DOCK2: variants seen among roughly 807,000 people sequenced by gnomAD.
DOCK2 encodes the protein dedicator of cytokinesis 2.
DOCK2 carries 87 observed loss-of-function variants against 248.9 expected under a neutral mutation model. The ratio of observed to expected loss-of-function variants is 0.35; its 90% confidence interval spans 0.29 to 0.42. DOCK2 has a LOEUF of 0.42. Among genes scored for constraint, DOCK2 ranks in the 10% least tolerant of loss-of-function variants. The pLI is 1.00. For missense variants in DOCK2, 1,747 were observed against 2,300.2 expected (o/e 0.76, Z 4.92); for synonymous variants, 805 against 821.6 (o/e 0.98, Z 0.35).
At chr5:169,916,511 C>T (rs1774883108) in intron 27 of DOCK2, among the ~76,000 whole-genome samples, 12 of 152,182 alleles carry the variant, frequency 7.9e-5, no homozygotes, top group Admixed American at 7.9e-4. Flanking sequence ...AACCATGGCT[C>T]TGCCACTGAC....
At chr5:170,075,696 A>C in intron 46 of DOCK2, 3 of 422,416 alleles carry the variant, frequency 7.1e-6, no homozygotes, top group Non-Finnish European at 1.3e-5. Flanking sequence ...TTCATGGGGA[A>C]GAGGGGAGTC....
In DOCK2 at chr5:169,724,595, C is replaced by T. The variant is rs73318237; in HGVS notation, c.2267+5804C>T. Reference sequence around the variant, plus strand: ...CTGGCCTGCACTGGAGCTGCCACCACATTAACAAGGGCATCTCAGGAGCAT... The same window carrying T: ...CTGGCCTGCACTGGAGCTGCCACCATATTAACAAGGGCATCTCAGGAGCAT... On this transcript the variant is annotated intron_variant, in intron 22 of 51. Transcript: ENST00000520908. 5.5e-3 allele frequency among the ~76,000 whole-genome samples: 834 copies of T among 152,172 alleles called. 8 individuals carry two copies. The highest frequency in any genetic ancestry group is 0.019 in the African/African-American group (788 of 41,504).
At chr5:169,723,580 T>A (rs1762315308) in intron 22 of DOCK2, among the ~76,000 whole-genome samples, 1 of 152,190 alleles carries the variant, frequency 6.6e-6, no homozygotes, top group Non-Finnish European at 1.5e-5. Context: ...CTGCTACTCC[T>A]CACTCACTTT....
intron 26 of DOCK2, among the ~76,000 whole-genome samples, chr5:169,835,209 G>A (rs965513916): frequency 6.6e-6 from 1 of 151,164 alleles, no homozygotes; most frequent in Non-Finnish European, 1.5e-5. Context: ...GGAGAAATGG[G>A]AAGGATGCAT....
chr5:169,997,910 GA>G (rs1242575409), intron 30 of DOCK2: 1 of 456,222 alleles, frequency 2.2e-6, no homozygotes, highest in African/African-American at 2.0e-5. Context: ...GCAAGGCCTG[GA>G]CTGTATCCGT....
Position 169,942,472 on chromosome 5 carries a change from G to C in DOCK2, c.2800-40596G>C, listed in dbSNP as rs187033054. Among the ~76,000 whole-genome samples, 4 of 152,284 alleles carry C rather than the reference G, an allele frequency of 2.6e-5. No individual in the cohort carries two copies. In the East Asian group the frequency reaches 7.7e-4, roughly 29 times the overall value. On this transcript the variant is annotated intron_variant, in intron 27 of 51. Transcript: ENST00000520908. ...CATGAGCCACACAGATGTTCAAGTG[G>C]GTTGTCTTGAGGTATTGGGAAATTA...
chr5:169,724,953 G>A (rs1762397808), intron 22 of DOCK2, among the ~76,000 whole-genome samples: 2 of 152,084 alleles, frequency 1.3e-5, no homozygotes, highest in Admixed American at 1.3e-4. Flanking sequence ...CAGTCGGAGG[G>A]AGCACATAAG....
At chr5:170,056,970 T>C in intron 43 of DOCK2, 1 of 568,548 alleles carries the variant, frequency 1.8e-6, no homozygotes, top group African/African-American at 1.9e-5. Context: ...TTCCCCTTAA[T>C]ACAGAACCCA....
intron 46 of DOCK2, among the ~76,000 whole-genome samples, chr5:170,074,143 T>A (rs1007215283): frequency 5.9e-5 from 9 of 151,554 alleles, no homozygotes; most frequent in Non-Finnish European, 1.0e-4. Context: ...GCTTCCTTTT[T>A]TATATAAAAT....
chr5:170,056,295 T>G, intron 42 of DOCK2: 1 of 166,254 alleles, frequency 6.0e-6, no homozygotes, highest in Non-Finnish European at 1.3e-5. Flanking sequence ...GGAGACTGAT[T>G]TAGGGGGTTG....
chr5:169,998,144 C>T, intron 30 of DOCK2: 1 of 430,906 alleles, frequency 2.3e-6, no homozygotes, highest in Non-Finnish European at 4.6e-6. Context: ...ATGTGGCTTC[C>T]TGGAGTCTCT....
chr5:170,025,926 G>A (rs1009098710), intron 33 of DOCK2, among the ~76,000 whole-genome samples: 13 of 149,100 alleles, frequency 8.7e-5, no homozygotes, highest in Admixed American at 3.4e-4. Flanking sequence ...TTTTCTCCAC[G>A]TTCCCACCTC....
intron 27 of DOCK2, chr5:169,883,059 C>A (rs1561792793): frequency 3.2e-6 from 5 of 1,551,536 alleles, no homozygotes; most frequent in Non-Finnish European, 4.4e-6. Context: ...TGTCTTTGGG[C>A]AAAAGCAATT....
intron 26 of DOCK2, among the ~76,000 whole-genome samples, chr5:169,804,039 C>T (rs1767155764): frequency 6.6e-6 from 1 of 152,192 alleles, no homozygotes; most frequent in Non-Finnish European, 1.5e-5. Context: ...ACAACCAATA[C>T]ATTTTTTTCT....
At chr5:169,871,701 G>A (rs1771985706) in intron 27 of DOCK2, among the ~76,000 whole-genome samples, 1 of 152,196 alleles carries the variant, frequency 6.6e-6, no homozygotes, top group Non-Finnish European at 1.5e-5. Flanking sequence ...AATATGTAGG[G>A]TGGTGGGGGT....
chr5:169,904,353 T>C (rs1251020946), intron 27 of DOCK2, among the ~76,000 whole-genome samples: 1 of 152,160 alleles, frequency 6.6e-6, no homozygotes, highest in Non-Finnish European at 1.5e-5. Context: ...AGCTGAGATG[T>C]GTTGTATTTT....
intron 34 of DOCK2, 40 bp from the exon 35 acceptor site, chr5:170,034,359 C>G: frequency 6.2e-7 from 1 of 1,610,298 alleles, no homozygotes; most frequent in South Asian, 1.1e-5. Context: ...CAGTCTTTCT[C>G]CCCAGCCATG....
At chr5:169,886,430 C>T (rs538357219) in intron 27 of DOCK2, among the ~76,000 whole-genome samples, 2 of 152,354 alleles carry the variant, frequency 1.3e-5, no homozygotes, top group African/African-American at 4.8e-5. Flanking sequence ...ATCCCAGAGA[C>T]AATTTCCTCA....
intron 9 of DOCK2, among the ~76,000 whole-genome samples, chr5:169,693,531 T>C (rs1760427658): frequency 1.3e-5 from 2 of 151,968 alleles, no homozygotes; most frequent in South Asian, 2.1e-4. Flanking sequence ...TCATAAGAGA[T>C]TTCAGGATGG....
Sources: allele counts gnomAD v4.1 joint callset (sites outside exome capture counted in the v4.1 genomes callset), GRCh38; gene constraint gnomAD v4.1.1; transcripts MANE v1.5; gene names NCBI Gene and HGNC (gene_info 2026-07-23, HGNC 2026-07-21).